Variants in KPNA7 observed in about 807,000 individuals in gnomAD.
KPNA7 encodes karyopherin subunit alpha 7, also known as importin subunit alpha-8.
In KPNA7, 54 loss-of-function variants were observed where a neutral mutation model predicts 53.7. That is an observed-to-expected ratio of 1.01 (90% CI 0.81 to 1.26). The LOEUF (loss-of-function observed/expected upper bound fraction) is 1.26. KPNA7 is among the 50% of genes most tolerant of loss of function. KPNA7 has a pLI of 0.00. For synonymous variants in KPNA7, 276 were observed against 259.3 expected (o/e 1.06, Z -0.62); for missense variants, 640 against 644.5 (o/e 0.99, Z 0.07).
At chr7:99,180,253 G>A (rs1429879397) in intron 9 of KPNA7, among the ~76,000 whole-genome samples, 1 of 152,140 alleles carries the variant, frequency 6.6e-6, no homozygotes, top group Non-Finnish European at 1.5e-5. Flanking sequence ...TGTAATCCTA[G>A]CACTTTGGGA....
downstream of KPNA7, among the ~76,000 whole-genome samples, chr7:99,172,071 G>GA (rs1798780391): frequency 6.6e-6 from 1 of 152,144 alleles, no homozygotes; most frequent in Admixed American, 6.5e-5. Context: ...TAATACTAAG[G>GA]AAAACACACT....
the KPNA7 span, among the ~76,000 whole-genome samples, chr7:99,163,379 A>G: frequency 1.7e-5 from 1 of 58,852 alleles, no homozygotes; most frequent in Non-Finnish European, 3.2e-5. Flanking sequence ...ATATATATAT[A>G]TATATTTTTT....
intron 8 of KPNA7, 97 bp downstream of exon 8, chr7:99,184,832 A>T (rs558785024): frequency 3.8e-4 from 385 of 1,005,426 alleles, no homozygotes; most frequent in Non-Finnish European, 5.4e-4. Context: ...CTGTGATCTC[A>T]ATTTGCTTCT....
chr7:99,149,920 G>T, the KPNA7 span, among the ~76,000 whole-genome samples: 1 of 151,946 alleles, frequency 6.6e-6, no homozygotes, highest in Non-Finnish European at 1.5e-5. Flanking sequence ...TCAGCCTCCC[G>T]AGTAGCTCAG....
intron 9 of KPNA7, among the ~76,000 whole-genome samples, chr7:99,180,631 GTCTC>G (rs1318393664): frequency 8.6e-5 from 6 of 69,482 alleles, no homozygotes; most frequent in South Asian, 7.8e-4. Context: ...CTCTCTCCCC[GTCTC>G]TCTCTCCGTC....
chr7:99,183,851 GTT>G (rs1209016257), intron 8 of KPNA7, among the ~76,000 whole-genome samples: 1 of 151,998 alleles, frequency 6.6e-6, no homozygotes, highest in African/African-American at 2.4e-5. Flanking sequence ...ATGTTTTTTT[GTT>G]TTTGTTTTTT....
At chr7:99,151,012 ATTAC>A in the KPNA7 span, among the ~76,000 whole-genome samples, 1 of 152,210 alleles carries the variant, frequency 6.6e-6, no homozygotes, top group Admixed American at 6.5e-5. Context: ...GCTGTACCTC[ATTAC>A]TTAAATACGT....
At chr7:99,146,224 T>C in the KPNA7 span, among the ~76,000 whole-genome samples, 2 of 152,162 alleles carry the variant, frequency 1.3e-5, no homozygotes, top group Non-Finnish European at 1.5e-5. Context: ...CATTGCTTAA[T>C]TTTGTTGTTT....
At chr7:99,189,872 A>AT (rs1467540474) in intron 6 of KPNA7, among the ~76,000 whole-genome samples, 1 of 152,080 alleles carries the variant, frequency 6.6e-6, no homozygotes, top group African/African-American at 2.4e-5. Flanking sequence ...GATTACAGAC[A>AT]TAAGCGCCTG....
At chr7:99,159,915 A>G in the KPNA7 span, among the ~76,000 whole-genome samples, 6 of 152,132 alleles carry the variant, frequency 3.9e-5, no homozygotes, top group South Asian at 1.2e-3. Flanking sequence ...GGAATTTATT[A>G]AGAGAAGGAA....
At chr7:99,172,225 CATA>C (rs1254352521), downstream of KPNA7, among the ~76,000 whole-genome samples, 3 of 152,218 alleles carry the variant, frequency 2.0e-5, 1 homozygote, top group South Asian at 4.2e-4. Flanking sequence ...GTAGCATGAG[CATA>C]ATGTTTAGAA....
Position 99,199,952 on chromosome 7 carries a change from G to A in KPNA7, c.201+3154C>T, listed in dbSNP as rs556734050. Among the ~76,000 whole-genome samples the A allele has an allele frequency of 4.6e-5, 7 of 152,078 alleles. 1 individual carries two copies. The South Asian group carries it at 1.2e-3, about 27-fold the overall frequency. On this transcript the variant is annotated intron_variant, in intron 3 of 10. Coordinates refer to ENST00000327442, the MANE Select transcript of KPNA7 (RefSeq NM_001145715.3). ...TTTTTTGGTGGGGGGACACAGTCTC[G>A]CTCTCTTACTCAGGCTGGAGTGCAG...
intron 1 of KPNA7, among the ~76,000 whole-genome samples, chr7:99,217,437 T>C (rs1584328513): frequency 1.3e-5 from 2 of 152,074 alleles, no homozygotes; most frequent in East Asian, 3.9e-4. Context: ...TCAATGAGAC[T>C]TATCTGCCAG....
At chr7:99,189,291 ATTAGTT>A (rs951020926) in intron 6 of KPNA7, among the ~76,000 whole-genome samples, 13 of 151,692 alleles carry the variant, frequency 8.6e-5, no homozygotes, top group African/African-American at 2.7e-4. Flanking sequence ...GCCTTTTATT[ATTAGTT>A]TTAGTTTTAG....
intron 9 of KPNA7, among the ~76,000 whole-genome samples, chr7:99,180,727 GTC>G (rs1381214843): frequency 3.4e-5 from 3 of 89,538 alleles, no homozygotes; most frequent in East Asian, 6.1e-4. Context: ...CTCCGTCTGT[GTC>G]TCTCTCTCTC....
At chr7:99,207,658 C>T (rs1361639802) in intron 1 of KPNA7, among the ~76,000 whole-genome samples, 169 bp from the exon 2 acceptor site, 3 of 89,584 alleles carry the variant, frequency 3.3e-5, no homozygotes, top group African/African-American at 1.5e-4. Flanking sequence ...TTTTTTGAGA[C>T]AGAGTCTCGC....
chr7:99,166,668 G>A, the KPNA7 span, among the ~76,000 whole-genome samples: 1 of 151,894 alleles, frequency 6.6e-6, no homozygotes, highest in Non-Finnish European at 1.5e-5. Context: ...TGCCCAGGCT[G>A]GAGTGCAATG....
chr7:99,179,160 T>G (rs1799049702), intron 9 of KPNA7, among the ~76,000 whole-genome samples: 2 of 152,184 alleles, frequency 1.3e-5, no homozygotes, highest in Non-Finnish European at 1.5e-5. Context: ...TTGACTCAGA[T>G]CATTCAAGAA....
chr7:99,168,673 A>T (rs532153844), downstream of KPNA7, among the ~76,000 whole-genome samples: 1 of 152,052 alleles, frequency 6.6e-6, no homozygotes, highest in African/African-American at 2.4e-5. Context: ...TAATTTTTTT[A>T]AATTTGTAGA....
Sources: allele counts gnomAD v4.1 joint callset (sites outside exome capture counted in the v4.1 genomes callset), GRCh38; gene constraint gnomAD v4.1.1; transcripts MANE v1.5; gene names NCBI Gene and HGNC (gene_info 2026-07-23, HGNC 2026-07-21).